ANKRD30A: variants seen among roughly 807,000 people sequenced by gnomAD.
ANKRD30A encodes the protein ankyrin repeat domain 30A, also known as ankyrin repeat domain-containing protein 30A.
A neutral mutation model predicts 166.3 loss-of-function variants in ANKRD30A; 170 were observed. That is an observed-to-expected ratio of 1.02 (90% CI 0.90 to 1.16). The LOEUF (loss-of-function observed/expected upper bound fraction) is 1.16, where lower values mean the gene tolerates loss of function less well. ANKRD30A is among the 50% of genes most tolerant of loss of function. The pLI, the probability that ANKRD30A is intolerant of heterozygous loss-of-function variation, is 0.00. For missense variants in ANKRD30A, 1,630 were observed against 1,518.0 expected, an observed-to-expected ratio of 1.07 and a Z score of -1.23; for synonymous variants, 564 against 508.9, an observed-to-expected ratio of 1.11 and a Z score of -1.46.
chr10:37,141,593 A>AG (rs35289443), intron 6 of ANKRD30A, 125 bp from the exon 7 acceptor site: 7 of 1,223,586 alleles, frequency 5.7e-6, no homozygotes, highest in African/African-American at 4.7e-5. Flanking sequence ...AAAAAAAAAA[A>AG]GAGAAAAGAA....
intron 15 of ANKRD30A, among the ~76,000 whole-genome samples, chr10:37,161,634 G>T (rs1172234433): frequency 1.3e-5 from 2 of 152,246 alleles, no homozygotes; most frequent in East Asian, 3.9e-4. Context: ...GCACTCCAGA[G>T]ACTACCGGAA....
Position 37,194,591 on chromosome 10 carries a change from C to T in ANKRD30A, c.2614+1333C>T, listed in dbSNP as rs370610632. ...GGATCTCCTGACCTTGTGATGCGCCCGTCTCGGCCTCCCAAAGTACTGGAA... is the reference window on the plus strand; with the variant it reads ...GGATCTCCTGACCTTGTGATGCGCCTGTCTCGGCCTCCCAAAGTACTGGAA... On this transcript the variant is annotated intron_variant, in intron 27 of 35. Transcript: ENST00000361713. Among the ~76,000 whole-genome samples the T allele has an allele frequency of 3.9e-5, 6 of 152,156 alleles. No homozygotes were observed. The East Asian group carries it at 5.8e-4, about 15-fold the overall frequency.
At chr10:37,261,302 G>A in the ANKRD30A span, among the ~76,000 whole-genome samples, 1 of 152,124 alleles carries the variant, frequency 6.6e-6, no homozygotes, top group African/African-American at 2.4e-5. Context: ...CTAAACATCT[G>A]TCATTGGATT....
intron 6 of ANKRD30A, among the ~76,000 whole-genome samples, chr10:37,137,933 A>G (rs1378263729): frequency 1.3e-5 from 2 of 152,176 alleles, no homozygotes; most frequent in Non-Finnish European, 2.9e-5. Context: ...CTGCCTCCTC[A>G]AGTGGGTCCC....
chr10:37,132,246 C>T lies in ANKRD30A; in HGVS notation c.517C>T (p.Leu173Phe), dbSNP rs368246170. 2.5e-5 allele frequency: 39 copies of T among 1,585,146 alleles called. No individual in the cohort carries two copies. The African/African-American group carries it at 3.9e-4, about 16-fold the overall frequency. ...AVIEVHNKAS[L>F]TPLLLSITKR... ...TTGTTTTGCTATTTTACAGGCTAGCCTCACACCACTTTTACTATCCATAAC... is the reference window on the plus strand; with the variant it reads ...TTGTTTTGCTATTTTACAGGCTAGCTTCACACCACTTTTACTATCCATAAC... The change falls in exon 4 of 36, where the codon CTC (leucine) becomes TTC (phenylalanine). Residue 173 changes from leucine (L) to phenylalanine (F), a missense_variant. Leu to Phe is a conservative substitution (Grantham distance 22). Transcript: ENST00000361713.
chr10:37,258,445 C>G, the ANKRD30A span, among the ~76,000 whole-genome samples: 4 of 151,858 alleles, frequency 2.6e-5, no homozygotes, highest in Non-Finnish European at 5.9e-5. Context: ...ATAAAGAAAC[C>G]AGAAACAAAC....
chr10:37,204,432 T>C (rs1841851637), intron 31 of ANKRD30A, among the ~76,000 whole-genome samples: 1 of 152,198 alleles, frequency 6.6e-6, no homozygotes, highest in Non-Finnish European at 1.5e-5. Context: ...AAGCTGAAAC[T>C]GGATCCCTTC....
chr10:37,141,820 C>G lies in ANKRD30A; in HGVS notation c.923C>G (p.Pro308Arg), dbSNP rs763623807. 1.9e-6 allele frequency: 3 copies of G among 1,613,614 alleles called. No individual in the cohort carries two copies. The South Asian group carries it at 3.3e-5, about 18-fold the overall frequency. ...GAAAAAACACCTGATGAGGCTGCAC[C>G]CTTGGTGGAAAGAACACCTGACACG... is the stretch of plus-strand genomic sequence containing the variant. ...LVEKTPDEAA[P>R]LVERTPDTAE... The change falls in exon 7 of 36, where the codon CCC becomes CGC. Residue 308 changes from proline (P) to arginine (R), a missense_variant. Physicochemically the swap from Pro to Arg is moderately radical, Grantham distance 103. This residue lies in a region of ANKRD30A where 904 missense variants were observed against 818.5 expected (regional missense o/e 1.10). Transcript: ENST00000361713.
At chr10:37,214,555 T>C (rs1328616399) in intron 31 of ANKRD30A, among the ~76,000 whole-genome samples, 1 of 148,826 alleles carries the variant, frequency 6.7e-6, no homozygotes, top group Non-Finnish European at 1.5e-5. Flanking sequence ...TATATATATA[T>C]ATATATGTAT....
chr10:37,163,041 A>T (rs1481323665), intron 17 of ANKRD30A, among the ~76,000 whole-genome samples, 193 bp downstream of exon 17: 2 of 152,146 alleles, frequency 1.3e-5, no homozygotes, highest in Non-Finnish European at 2.9e-5. Flanking sequence ...TTTTAAAAAA[A>T]TGTAGCCTTA....
chr10:37,264,584 A>T, the ANKRD30A span: 14 of 441,280 alleles, frequency 3.2e-5, no homozygotes, highest in African/African-American at 8.3e-5. Context: ...GTTCTTTGGC[A>T]TCTACTCAGC....
At position 37,130,271 on chromosome 10, in the gene ANKRD30A, G is replaced by A. The variant is rs761357009; in HGVS notation, c.403G>A (p.Val135Ile). 2.7e-5 allele frequency: 44 copies of A among 1,604,166 alleles called. No individual in the cohort carries two copies. In the Admixed American group the frequency reaches 5.3e-4, roughly 19 times the overall value. The part of the protein sequence containing the change: ...LIDSGADINL[V>I]DVYGNTALHY... ...AGATTCTGGTGCCGATATAAATCTC[G>A]TAGATGTGTATGGCAACACGGCTCT... The change falls in exon 3 of 36, where the codon GTA becomes ATA. Residue 135 changes from valine to isoleucine, a missense_variant. Coordinates refer to ENST00000361713, the MANE Select transcript of ANKRD30A (RefSeq NM_052997.3).
chr10:37,145,584 A>T (rs1287672817), intron 8 of ANKRD30A, among the ~76,000 whole-genome samples: 1 of 151,688 alleles, frequency 6.6e-6, no homozygotes. Flanking sequence ...TTAGTTTCAG[A>T]CACTTGTGTA....
chr10:37,156,408 AC>A (rs763517032), intron 13 of ANKRD30A, among the ~76,000 whole-genome samples: 18 of 152,080 alleles, frequency 1.2e-4, no homozygotes, highest in Non-Finnish European at 2.2e-4. Context: ...GTATTTTCCT[AC>A]CCGGTTCCTC....
chr10:37,201,332 A>G lies in ANKRD30A; in HGVS notation c.2869+7A>G, dbSNP rs1160841253. ...ATAAGTGGAAAATTAGAAGGTAAGAACCATCTTTTATTTAAAAGGTCATTT... is the reference window on the plus strand; with the variant it reads ...ATAAGTGGAAAATTAGAAGGTAAGAGCCATCTTTTATTTAAAAGGTCATTT... On this transcript the variant is annotated splice_region_variant and intron_variant, in intron 31 of 35. Coordinates refer to ENST00000361713, the MANE Select transcript of ANKRD30A (RefSeq NM_052997.3). The G allele has an allele frequency of 5.8e-6, 9 of 1,557,910 alleles. No individual in the cohort carries two copies. In the East Asian group the frequency reaches 9.2e-5, roughly 16 times the overall value.
the ANKRD30A span, among the ~76,000 whole-genome samples, chr10:37,243,385 C>G: frequency 1.2e-4 from 18 of 151,354 alleles, no homozygotes; most frequent in African/African-American, 3.9e-4. Flanking sequence ...ACCTCGTGAT[C>G]CGCCCGCCTC....
intron 15 of ANKRD30A, among the ~76,000 whole-genome samples, chr10:37,162,345 G>A (rs1366528224): frequency 1.3e-5 from 2 of 152,084 alleles, no homozygotes; most frequent in East Asian, 1.9e-4. Context: ...CATTAAGTAC[G>A]TGGCGTAGCA....
In ANKRD30A at chr10:37,201,427, G is replaced by A. The variant is rs191619061; in HGVS notation, c.2869+102G>A. The A allele has an allele frequency of 8.3e-6, 7 of 843,516 alleles. No individual in the cohort carries two copies. In the Admixed American group the frequency reaches 1.0e-4, roughly 13 times the overall value. The allele number at this position is 843,516 out of a possible 1,614,324, so 52.3% of individuals were successfully genotyped here. On this transcript the variant is annotated intron_variant, in intron 31 of 35. Transcript: ENST00000361713. The stretch of plus-strand genomic sequence containing the variant: ...AGCTGAAGAAAATTACCTCCTAAAT[G>A]CAAACCATGGAAAAAAAGAGAAGTG...
rs1041106556 is a variant in ANKRD30A, at chr10:37,223,036, A to T, written c.4185+3139A>T. Among the ~76,000 whole-genome samples, 20 of 151,440 alleles carry T rather than the reference A, an allele frequency of 1.3e-4. No individual in the cohort carries two copies. The Admixed American group carries it at 1.3e-3, about 10-fold the overall frequency. On this transcript the variant is annotated intron_variant, in intron 34 of 35. Coordinates refer to ENST00000361713, the MANE Select transcript of ANKRD30A (RefSeq NM_052997.3). The stretch of plus-strand genomic sequence containing the variant: ...AAAGTTTTATTTGAAATATATCTTA[A>T]TCAATAAATATAAAACAGAAACCAC...
Sources: allele counts gnomAD v4.1 joint callset (sites outside exome capture counted in the v4.1 genomes callset), GRCh38; gene constraint gnomAD v4.1.1; regional missense constraint gnomAD v4.1.1; transcripts MANE v1.5; gene names NCBI Gene and HGNC (gene_info 2026-07-23, HGNC 2026-07-21).